GRIK5: variants seen among roughly 807,000 people sequenced by gnomAD.
The protein encoded by GRIK5 is glutamate receptor ionotropic, kainate 5.
Under a neutral mutation model 97.4 loss-of-function variants are expected in GRIK5, and 43 were observed. The observed-to-expected ratio is 0.44, with a 90% confidence interval of 0.35 to 0.57. The LOEUF (loss-of-function observed/expected upper bound fraction) is 0.57, where lower values mean the gene tolerates loss of function less well. Ranked by LOEUF, GRIK5 falls within the 20% of genes least tolerant of loss-of-function variation. The pLI, the probability that GRIK5 is intolerant of heterozygous loss-of-function variation, is 0.01. For missense variants in GRIK5, 1,015 were observed against 1,382.0 expected, an observed-to-expected ratio of 0.73 and a Z score of 4.21; for synonymous variants, 580 against 583.5, an observed-to-expected ratio of 0.99 and a Z score of 0.09.
At chr19:42,017,057 G>C (rs2075633589) in intron 15 of GRIK5, among the ~76,000 whole-genome samples, 1 of 152,084 alleles carries the variant, frequency 6.6e-6, no homozygotes, top group Non-Finnish European at 1.5e-5. Context: ...GCTCACCGTT[G>C]GGGGAAATCA....
Position 42,062,668 on chromosome 19 carries a change from A to G in GRIK5, c.343-15T>C. 1 of 1,613,788 alleles carries G rather than the reference A, an allele frequency of 6.2e-7. No homozygotes were observed. The highest frequency in any genetic ancestry group is 8.5e-7 in the Non-Finnish European group (1 of 1,179,802). On this transcript the variant is annotated splice_polypyrimidine_tract_variant and intron_variant, in intron 4 of 19. Coordinates refer to ENST00000593562, the MANE Select transcript of GRIK5 (RefSeq NM_002088.5). This position sits in a 1 kb window ranked among gnomAD's most constrained non-coding sequence, Gnocchi z 5.3. ...ATGTGGGGGATCTGGACAGAGAGGA[A>G]ACTTTGGCCTCCATCCTGCTTCTCC...
At chr19:42,038,618 C>T (rs2075938124) in intron 12 of GRIK5, among the ~76,000 whole-genome samples, 1 of 152,250 alleles carries the variant, frequency 6.6e-6, no homozygotes, top group African/African-American at 2.4e-5. Flanking sequence ...TTCCCAAGTT[C>T]CCAGCTGGAG....
chr19:42,048,936 G>A (rs1019122526), intron 11 of GRIK5, among the ~76,000 whole-genome samples: 4 of 152,008 alleles, frequency 2.6e-5, no homozygotes, highest in Non-Finnish European at 5.9e-5. Flanking sequence ...CAGCTACTCA[G>A]GAGGCTGAGA....
Position 42,003,311 on chromosome 19 carries a change from C to T in GRIK5, c.2514+21G>A. ...CCTGGGGGTCCCTGTTCCTGCCCAC[C>T]CCCACCCCCAGCCTCCTCACCTCCT... On this transcript the variant is annotated intron_variant, in intron 19 of 19. Transcript: ENST00000593562. The surrounding 1 kb of genome is among the most constrained non-coding windows in gnomAD (Gnocchi z 4.2). The T allele has an allele frequency of 1.3e-6, 2 of 1,578,946 alleles. No homozygotes were observed. The highest frequency in any genetic ancestry group is 8.7e-7 in the Non-Finnish European group (1 of 1,151,188).
At chr19:42,019,200 G>C (rs985033505) in intron 15 of GRIK5, among the ~76,000 whole-genome samples, 1 of 152,080 alleles carries the variant, frequency 6.6e-6, no homozygotes, top group East Asian at 1.9e-4. Context: ...CTGTGAGGAC[G>C]CCACTAGATT....
chr19:42,032,272 C>T (rs1325272084), intron 12 of GRIK5, among the ~76,000 whole-genome samples: 1 of 152,186 alleles, frequency 6.6e-6, no homozygotes, highest in Non-Finnish European at 1.5e-5. Flanking sequence ...TAGGTTAAAA[C>T]AATGATATTA....
At chr19:42,046,516 T>C (rs2076044927) in intron 11 of GRIK5, among the ~76,000 whole-genome samples, 1 of 152,182 alleles carries the variant, frequency 6.6e-6, no homozygotes, top group African/African-American at 2.4e-5. Flanking sequence ...AAAACGCAGG[T>C]CCAAGAAAGT....
At chr19:42,043,584 G>A (rs1248227740) in intron 11 of GRIK5, among the ~76,000 whole-genome samples, 1 of 151,684 alleles carries the variant, frequency 6.6e-6, no homozygotes, top group Non-Finnish European at 1.5e-5. Flanking sequence ...TTTTGTTTTT[G>A]TATTTTTAGT....
At chr19:42,028,430 T>C (rs1277812867) in intron 12 of GRIK5, among the ~76,000 whole-genome samples, 2 of 152,142 alleles carry the variant, frequency 1.3e-5, no homozygotes, top group African/African-American at 4.8e-5. Flanking sequence ...TAGCGGGAGG[T>C]TGCCAGACTG....
chr19:42,042,867 T>G lies in GRIK5; in HGVS notation c.1270-112A>C. ...GCAGGAATCTGCTTGCTGAGCACGG[T>G]TGATTTATTCATAGTACACATTTCT... On this transcript the variant is annotated intron_variant, in intron 11 of 19. Coordinates refer to ENST00000593562, the MANE Select transcript of GRIK5 (RefSeq NM_002088.5). This position sits in a 1 kb window ranked among gnomAD's most constrained non-coding sequence, Gnocchi z 6.9. 1 of 765,670 alleles carries G rather than the reference T, an allele frequency of 1.3e-6. No homozygotes were observed. The highest frequency in any genetic ancestry group is 2.1e-6 in the Non-Finnish European group (1 of 469,072). The allele number at this position is 765,670 out of a possible 1,614,324, so 47.4% of individuals were successfully genotyped here.
chr19:42,008,844 CA>C (rs1309890180), intron 15 of GRIK5, among the ~76,000 whole-genome samples: 15 of 152,030 alleles, frequency 9.9e-5, no homozygotes, highest in African/African-American at 3.4e-4. Context: ...AAGAAGTGAA[CA>C]GAACTTTTAG....
chr19:42,025,571 A>G (rs1464888368), intron 12 of GRIK5, among the ~76,000 whole-genome samples: 2 of 152,108 alleles, frequency 1.3e-5, no homozygotes, highest in Admixed American at 6.5e-5. Flanking sequence ...GCACCATCCC[A>G]GACAGAAACA....
intron 11 of GRIK5, among the ~76,000 whole-genome samples, chr19:42,043,509 G>T (rs893604767): frequency 6.7e-6 from 1 of 150,232 alleles, no homozygotes; most frequent in Non-Finnish European, 1.5e-5. Flanking sequence ...GGGTTTAAGC[G>T]ATTCTCCTGC....
chr19:42,030,823 T>C (rs1402743948), intron 12 of GRIK5, among the ~76,000 whole-genome samples: 1 of 152,150 alleles, frequency 6.6e-6, no homozygotes, highest in Non-Finnish European at 1.5e-5. Flanking sequence ...CAGACTGCCA[T>C]CTGCCAGGTT....
At chr19:42,038,696 AT>A (rs1458052922) in intron 12 of GRIK5, among the ~76,000 whole-genome samples, 3 of 152,250 alleles carry the variant, frequency 2.0e-5, no homozygotes, top group African/African-American at 7.2e-5. Context: ...GGGACTCCAG[AT>A]CTCACACTGG....
chr19:42,011,903 G>C (rs1427069340), intron 15 of GRIK5, among the ~76,000 whole-genome samples: 2 of 152,272 alleles, frequency 1.3e-5, no homozygotes, highest in Middle Eastern at 3.4e-3. Context: ...GAGCCCAGGA[G>C]TCGTGTTCGT....
intron 11 of GRIK5, among the ~76,000 whole-genome samples, chr19:42,043,527 C>G (rs540398044): frequency 6.6e-6 from 1 of 151,872 alleles, no homozygotes; most frequent in Non-Finnish European, 1.5e-5. Context: ...TGCCTCACCC[C>G]CGCCAAGTAG....
At chr19:42,035,895 T>C (rs187919622) in intron 12 of GRIK5, among the ~76,000 whole-genome samples, 37 of 152,184 alleles carry the variant, frequency 2.4e-4, no homozygotes, top group African/African-American at 8.9e-4. Context: ...CCTTCTCAAA[T>C]AATTGCTTAT....
Position 41,998,713 on chromosome 19 carries a change from C to T in GRIK5, c.*158G>A, listed in dbSNP as rs965723604. On this transcript the variant is annotated 3_prime_UTR_variant, in exon 20 of 20. Coordinates refer to ENST00000593562, the MANE Select transcript of GRIK5 (RefSeq NM_002088.5). ...GGCGCAGGCGGGCTCCAGAGCCAGG[C>T]CTCGGACTTCGCGGGGAACCAAAGG... The T allele has an allele frequency of 8.3e-6, 2 of 241,648 alleles. No homozygotes were observed. The highest frequency in any genetic ancestry group is 1.2e-4 in the Admixed American group (2 of 16,892). The allele number at this position is 241,648 out of a possible 1,614,324, so 15.0% of individuals were successfully genotyped here.
Sources: allele counts gnomAD v4.1 joint callset (sites outside exome capture counted in the v4.1 genomes callset), GRCh38; gene constraint gnomAD v4.1.1; non-coding constraint Gnocchi (gnomAD v3.1); transcripts MANE v1.5; gene names NCBI Gene and HGNC (gene_info 2026-07-23, HGNC 2026-07-21).